Variants in UGP2 observed in about 807,000 individuals in gnomAD.
The protein encoded by UGP2 is UTP--glucose-1-phosphate uridylyltransferase.
A neutral mutation model predicts 49.0 loss-of-function variants in UGP2; 40 were observed. The ratio of observed to expected loss-of-function variants is 0.82; its 90% confidence interval spans 0.63 to 1.06. The LOEUF is 1.06. Among genes scored for constraint, UGP2 ranks in the 50% least tolerant of loss-of-function variants. UGP2 has a pLI of 0.00. For missense variants in UGP2, 460 were observed against 603.5 expected (o/e 0.76, Z 2.49); for synonymous variants, 225 against 213.0 (o/e 1.06, Z -0.49).
intron 1 of UGP2, among the ~76,000 whole-genome samples, chr2:63,843,358 A>G (rs187892036): frequency 7.0e-4 from 107 of 152,316 alleles, no homozygotes; most frequent in African/African-American, 2.2e-3. Flanking sequence ...GTGGTAAGAG[A>G]TGCTTATGTT....
At chr2:63,844,933 C>T (rs1472412919) in intron 1 of UGP2, among the ~76,000 whole-genome samples, 1 of 152,166 alleles carries the variant, frequency 6.6e-6, no homozygotes, top group Non-Finnish European at 1.5e-5. Context: ...CTAACATTAA[C>T]AACTGTGGAA....
At chr2:63,873,721 A>G (rs1298494057) in intron 3 of UGP2, among the ~76,000 whole-genome samples, 1 of 152,164 alleles carries the variant, frequency 6.6e-6, no homozygotes, top group African/African-American at 2.4e-5. Context: ...TAGGGGGAGT[A>G]GAAGAAAGAG....
chr2:63,850,095 G>T (rs1478141496), intron 1 of UGP2, among the ~76,000 whole-genome samples: 1 of 152,110 alleles, frequency 6.6e-6, no homozygotes, highest in African/African-American at 2.4e-5. Context: ...TTTTCCATAA[G>T]TAGTGTTTTC....
intron 3 of UGP2, among the ~76,000 whole-genome samples, chr2:63,871,554 G>C (rs1190898562): frequency 2.0e-5 from 3 of 152,232 alleles, no homozygotes; most frequent in African/African-American, 7.2e-5. Flanking sequence ...CCAGTGTGCT[G>C]GGATTACAGG....
intron 7 of UGP2, 152 bp downstream of exon 7, chr2:63,886,690 G>T (rs947976687): frequency 1.1e-6 from 1 of 874,212 alleles, no homozygotes; most frequent in Non-Finnish European, 1.7e-6. Flanking sequence ...CTGTCTTCCA[G>T]AATCTGCTGT....
rs943460575 is a variant in UGP2, at chr2:63,858,887, C to G, written c.255+951C>G. On this transcript the variant is annotated intron_variant, in intron 3 of 9. Coordinates refer to ENST00000337130, the MANE Select transcript of UGP2 (RefSeq NM_006759.4). ...GGCACTATTTATTCCCACACCCCCC[C>G]GCCCCCCCGAAACACTTATAACTTT... is the stretch of plus-strand genomic sequence containing the variant. 1.1e-4 allele frequency among the ~76,000 whole-genome samples: 13 copies of G among 121,584 alleles called. No individual in the cohort carries two copies. The South Asian group carries it at 2.8e-3, about 26-fold the overall frequency. 79.8% of individuals were successfully genotyped at this position (121,584 alleles called of 152,430 possible).
chr2:63,876,776 G>T (rs1222083915), intron 3 of UGP2, among the ~76,000 whole-genome samples: 1 of 152,190 alleles, frequency 6.6e-6, no homozygotes, highest in Admixed American at 6.5e-5. Context: ...AGTTGCCAGG[G>T]CCTGTTCCCA....
At chr2:63,855,520 G>GTTTTTTTTTTTTTTTTTTTTCTTTTT in intron 1 of UGP2, 1 of 192,240 alleles carries the variant, frequency 5.2e-6, no homozygotes, top group East Asian at 1.7e-4. Context: ...TTCTTTTTCT[G>GTTTTTTTTTTTTTTTTTTTTCTTTTT]TTTTTTTTTT....
At chr2:63,881,716 C>T (rs1162516214) in intron 3 of UGP2, among the ~76,000 whole-genome samples, 1 of 152,214 alleles carries the variant, frequency 6.6e-6, no homozygotes, top group African/African-American at 2.4e-5. Context: ...GCCCTCTGCT[C>T]ACAGAAATAG....
Position 63,886,422 on chromosome 2 carries a change from A to C in UGP2, c.955A>C (p.Lys319Gln), listed in dbSNP as rs1335560022. ...GCCAAAAGCACATGTAGACGAGTTC[A>C]AGTCTGTATCAAAGTTCAAAATATT... ...QVPKAHVDEF[K>Q]SVSKFKIFNT... is the part of the protein sequence containing the mutation. The change falls in exon 7 of 10, where the codon AAG becomes CAG. Residue 319 changes from lysine to glutamine, a missense_variant. By Grantham distance (53) the Lys-to-Gln change is moderately conservative (BLOSUM62 1). This residue lies in a region of UGP2 where 317 missense variants were observed against 473.0 expected (regional missense o/e 0.67). Transcript: ENST00000337130. The C allele has an allele frequency of 6.2e-7, 1 of 1,614,212 alleles. No homozygotes were observed. The highest frequency in any genetic ancestry group is 1.3e-5 in the African/African-American group (1 of 75,052).
intron 3 of UGP2, among the ~76,000 whole-genome samples, chr2:63,872,375 G>A (rs1245310013): frequency 6.6e-6 from 1 of 152,206 alleles, no homozygotes; most frequent in Non-Finnish European, 1.5e-5. Flanking sequence ...GGGTGAGGGA[G>A]TGTGTCTGAA....
At chr2:63,868,650 A>G (rs1670335489) in intron 3 of UGP2, among the ~76,000 whole-genome samples, 1 of 152,086 alleles carries the variant, frequency 6.6e-6, no homozygotes, top group South Asian at 2.1e-4. Flanking sequence ...TTTGTTTTGT[A>G]TTTCTGATTG....
chr2:63,880,063 G>A (rs1671184843), intron 3 of UGP2, among the ~76,000 whole-genome samples: 2 of 152,052 alleles, frequency 1.3e-5, no homozygotes, highest in South Asian at 4.1e-4. Flanking sequence ...AATTGGCCTG[G>A]TCCCACTTGC....
At chr2:63,873,471 C>T (rs752167925) in intron 3 of UGP2, among the ~76,000 whole-genome samples, 21 of 152,104 alleles carry the variant, frequency 1.4e-4, no homozygotes, top group Non-Finnish European at 2.5e-4. Context: ...AAATTGTAAG[C>T]AAACATTTTG....
intron 3 of UGP2, among the ~76,000 whole-genome samples, chr2:63,864,990 A>G (rs1670083214): frequency 6.6e-6 from 1 of 152,210 alleles, no homozygotes; most frequent in African/African-American, 2.4e-5. Flanking sequence ...TTAGAAGACT[A>G]ATTTCCCATC....
At chr2:63,884,253 G>A in intron 5 of UGP2, 160 bp downstream of exon 5, 3 of 844,612 alleles carry the variant, frequency 3.6e-6, no homozygotes, top group Non-Finnish European at 3.6e-6. Context: ...ATATGTGATT[G>A]TTATAATCAC....
intron 3 of UGP2, among the ~76,000 whole-genome samples, chr2:63,867,769 T>C (rs1670277515): frequency 6.6e-6 from 1 of 152,236 alleles, no homozygotes; most frequent in Non-Finnish European, 1.5e-5. Context: ...AGATATCCTA[T>C]CAAGTAGAAG....
rs752380937 is a variant in UGP2, at chr2:63,891,234, A to G, written c.*7A>G. On this transcript the variant is annotated 3_prime_UTR_variant, in exon 10 of 10. Transcript: ENST00000337130. ...TCGCATCTTGGACCACTGAAATGAAAAATACTGTGGACACTTAAATAATGG... is the reference window on the plus strand; with the variant it reads ...TCGCATCTTGGACCACTGAAATGAAGAATACTGTGGACACTTAAATAATGG... 4.4e-6 allele frequency: 7 copies of G among 1,604,924 alleles called. No individual in the cohort carries two copies. The highest frequency in any genetic ancestry group is 6.0e-6 in the Non-Finnish European group (7 of 1,172,496).
At chr2:63,884,606 A>G (rs932280809) in intron 5 of UGP2, among the ~76,000 whole-genome samples, 2 of 152,100 alleles carry the variant, frequency 1.3e-5, no homozygotes, top group African/African-American at 4.8e-5. Context: ...GTCCACATGA[A>G]CTTGTACAGA....
Sources: allele counts gnomAD v4.1 joint callset (sites outside exome capture counted in the v4.1 genomes callset), GRCh38; gene constraint gnomAD v4.1.1; regional missense constraint gnomAD v4.1.1; transcripts MANE v1.5; gene names NCBI Gene and HGNC (gene_info 2026-07-23, HGNC 2026-07-21).